The following USP39 variants were observed in gnomAD, a reference collection of about 807,000 sequenced individuals.
USP39 encodes ubiquitin specific peptidase 39.
A neutral mutation model predicts 66.4 loss-of-function variants in USP39; 38 were observed. The observed-to-expected ratio is 0.57, with a 90% CI of 0.44 to 0.75. USP39 has a LOEUF of 0.75. Among genes scored for constraint, USP39 ranks in the 30% least tolerant of loss-of-function variants. USP39 has a pLI of 0.00. For synonymous variants in USP39, 303 were observed against 274.6 expected (o/e 1.10, Z -1.02); for missense variants, 608 against 714.4 (o/e 0.85, Z 1.70).
chr2:85,609,013 G>C (rs781777007), upstream of USP39: 1 of 1,614,216 alleles, frequency 6.2e-7, no homozygotes, highest in Non-Finnish European at 8.5e-7. Flanking sequence ...CGCATGGGTG[G>C]ATCCAGAGGC....
chr2:85,612,148 G>C (rs1673596824), upstream of USP39: 1 of 868,598 alleles, frequency 1.2e-6, no homozygotes, highest in Non-Finnish European at 1.7e-6. Context: ...GGAGTTTTCG[G>C]GTCTGGTCGG....
chr2:85,627,879 C>T (rs1005284920), intron 5 of USP39, among the ~76,000 whole-genome samples: 5 of 152,160 alleles, frequency 3.3e-5, no homozygotes, highest in East Asian at 1.9e-4. Flanking sequence ...CCTATTGGTT[C>T]GTCTTACTGA....
At chr2:85,607,842 G>GT (rs1264885406), upstream of USP39, 1 of 152,208 alleles carries the variant, frequency 6.6e-6, no homozygotes, top group Non-Finnish European at 1.5e-5. Context: ...GAATTCAGAC[G>GT]TAAGCCTAAC....
chr2:85,631,469 T>G (rs1049943249), intron 6 of USP39, among the ~76,000 whole-genome samples: 1 of 151,904 alleles, frequency 6.6e-6, no homozygotes, highest in Admixed American at 6.6e-5. Context: ...CATGAGCCAC[T>G]GTGCCCAGCT....
intron 11 of USP39, among the ~76,000 whole-genome samples, chr2:85,646,779 G>A (rs1393266220): frequency 6.6e-6 from 1 of 151,428 alleles, no homozygotes; most frequent in African/African-American, 2.4e-5. Flanking sequence ...CATGAAGTGA[G>A]ATACGTTTTG....
intron 1 of USP39, among the ~76,000 whole-genome samples, chr2:85,617,569 C>G (rs1422960584): frequency 2.0e-5 from 3 of 152,160 alleles, no homozygotes; most frequent in Non-Finnish European, 4.4e-5. Context: ...GGTGTGGTGG[C>G]TCACACCTGT....
chr2:85,631,564 A>G (rs1047924251), intron 6 of USP39, among the ~76,000 whole-genome samples: 1 of 152,134 alleles, frequency 6.6e-6, no homozygotes, highest in Non-Finnish European at 1.5e-5. Context: ...CTGCCCTGCT[A>G]AGAGTCCCAG....
chr2:85,624,399 G>A (rs954670684), intron 4 of USP39, among the ~76,000 whole-genome samples: 1 of 151,906 alleles, frequency 6.6e-6, no homozygotes, highest in Non-Finnish European at 1.5e-5. Flanking sequence ...AGGCTGGAGT[G>A]CAGTGGTGCC....
At chr2:85,636,439 CA>C (rs1675780813) in intron 7 of USP39, among the ~76,000 whole-genome samples, 2 of 152,142 alleles carry the variant, frequency 1.3e-5, no homozygotes, top group Admixed American at 1.3e-4. Flanking sequence ...AGATAAACTA[CA>C]TGTTCTTTCT....
At chr2:85,639,648 A>T (rs2104337263) in intron 9 of USP39, 1 of 307,116 alleles carries the variant, frequency 3.3e-6, no homozygotes. Flanking sequence ...TAGAGACAGC[A>T]TGTTGGCCAG....
upstream of USP39, chr2:85,611,823 C>T: frequency 6.2e-7 from 1 of 1,606,746 alleles, no homozygotes. Context: ...GACTGTCGGG[C>T]CGGGCCAGGC....
rs769176762 is a variant in USP39 at position 85,648,815 on chromosome 2, C to T, written c.*7C>T. On this transcript the variant is annotated 3_prime_UTR_variant, in exon 13 of 13. Coordinates refer to ENST00000323701, the MANE Select transcript of USP39 (RefSeq NM_006590.4). ...CAACCAGCAGGGGGCTTGAAGGAGG[C>T]GTCTAGGGCTTTGCTCCCAAGGGCT... 25 of 1,613,998 alleles carry T rather than the reference C, an allele frequency of 1.5e-5. No homozygotes were observed. The East Asian group carries it at 2.5e-4, about 16-fold the overall frequency.
intron 4 of USP39, among the ~76,000 whole-genome samples, chr2:85,625,276 T>C (rs942705625): frequency 1.3e-5 from 2 of 152,188 alleles, no homozygotes; most frequent in African/African-American, 4.8e-5. Flanking sequence ...TCAGTTTTCA[T>C]GAGTTGACCA....
intron 3 of USP39, among the ~76,000 whole-genome samples, chr2:85,622,723 T>G (rs926978899): frequency 6.6e-6 from 1 of 151,424 alleles, no homozygotes; most frequent in Non-Finnish European, 1.5e-5. Flanking sequence ...GCAGATGCCA[T>G]GTACATAGTA....
chr2:85,629,189 G>A (rs940952137), intron 5 of USP39, among the ~76,000 whole-genome samples: 18 of 151,614 alleles, frequency 1.2e-4, no homozygotes, highest in Non-Finnish European at 2.5e-4. Context: ...TCAGCCTCCC[G>A]AGAAGCTGGA....
At chr2:85,643,616 T>G (rs1264312871) in intron 10 of USP39, among the ~76,000 whole-genome samples, 1 of 151,272 alleles carries the variant, frequency 6.6e-6, no homozygotes, top group African/African-American at 2.4e-5. Context: ...GTTGGCTGAC[T>G]AGAGCTCACA....
intron 9 of USP39, among the ~76,000 whole-genome samples, chr2:85,640,006 A>G (rs2104338681): frequency 6.6e-6 from 1 of 152,034 alleles, no homozygotes; most frequent in Middle Eastern, 3.4e-3. Flanking sequence ...TCAGCATCCT[A>G]AGTAGCTGGG....
chr2:85,619,928 T>C (rs1316366596), intron 2 of USP39, among the ~76,000 whole-genome samples: 2 of 151,960 alleles, frequency 1.3e-5, no homozygotes. Flanking sequence ...GATCTTGGCT[T>C]ACTGCAACCT....
intron 5 of USP39, among the ~76,000 whole-genome samples, chr2:85,629,352 C>A (rs987511025): frequency 6.6e-6 from 1 of 151,886 alleles, no homozygotes; most frequent in Non-Finnish European, 1.5e-5. Context: ...TGAACCATCG[C>A]GCCTAGACCC....
Sources: gnomAD v4.1 joint callset for allele counts (sites outside exome capture counted in the v4.1 genomes callset) on GRCh38, gnomAD v4.1.1 for gene constraint, MANE v1.5 for transcripts, NCBI Gene and HGNC (gene_info 2026-07-23, HGNC 2026-07-21) for gene names.